The following CRIM1 variants were observed in gnomAD, a reference collection of about 807,000 sequenced individuals.
The protein encoded by CRIM1 is cysteine rich transmembrane BMP regulator 1, also known as cysteine-rich motor neuron 1 protein.
Under a neutral mutation model 116.4 loss-of-function variants are expected in CRIM1, and 32 were observed. The ratio of observed to expected loss-of-function variants is 0.27; its 90% CI spans 0.21 to 0.37. The LOEUF is 0.37. Ranked by LOEUF, CRIM1 falls within the 10% of genes least tolerant of loss-of-function variation. The pLI is 1.00. For missense variants in CRIM1, 1,331 were observed against 1,354.8 expected (o/e 0.98, Z 0.28); for synonymous variants, 590 against 509.2 (o/e 1.16, Z -2.13).
chr2:36,513,364 TTC>T (rs1007742275), intron 10 of CRIM1, 190 bp from the exon 11 acceptor site: 20 of 561,068 alleles, frequency 3.6e-5, no homozygotes, highest in Non-Finnish European at 5.1e-5. Context: ...GCCGGTTTTT[TTC>T]TCTCTTTTCT....
chr2:36,435,857 G>A (rs770409473), intron 2 of CRIM1, among the ~76,000 whole-genome samples: 23 of 150,562 alleles, frequency 1.5e-4, no homozygotes, highest in Non-Finnish European at 2.1e-4. Flanking sequence ...ATGAAACCAG[G>A]TTATTTTTCC....
Position 36,551,080 on chromosome 2 carries a change from G to A in CRIM1, c.*2379G>A, listed in dbSNP as rs781105944. 6.6e-5 allele frequency: 10 copies of A among 152,594 alleles called. No individual in the cohort carries two copies. Among genetic ancestry groups the A allele is most frequent in the Non-Finnish European group, 1.3e-4 (9 of 68,026 alleles). The allele number at this position is 152,594 out of a possible 1,614,324, so 9.5% of individuals were successfully genotyped here. On this transcript the variant is annotated 3_prime_UTR_variant, in exon 17 of 17. Transcript: ENST00000280527. Reference sequence around the variant, plus strand: ...TTTGTTTTCTTCAAAAAAGCTGTAAGAGAATTATCTGCAACTTGATTCTTG... The same window carrying A: ...TTTGTTTTCTTCAAAAAAGCTGTAAAAGAATTATCTGCAACTTGATTCTTG...
chr2:36,434,523 C>T (rs1327801108), intron 2 of CRIM1, among the ~76,000 whole-genome samples: 1 of 152,202 alleles, frequency 6.6e-6, no homozygotes, highest in Non-Finnish European at 1.5e-5. Flanking sequence ...CTCTCTGGGT[C>T]TCTCTCTTCA....
At chr2:36,429,674 G>A (rs542561537) in intron 2 of CRIM1, among the ~76,000 whole-genome samples, 1 of 152,200 alleles carries the variant, frequency 6.6e-6, no homozygotes, top group Admixed American at 6.5e-5. Context: ...AGTGGATATG[G>A]TATAAAGTAG....
At chr2:36,539,768 G>A (rs746972338) in intron 14 of CRIM1, among the ~76,000 whole-genome samples, 3 of 152,134 alleles carry the variant, frequency 2.0e-5, no homozygotes, top group Non-Finnish European at 2.9e-5. Context: ...GGATGACTAC[G>A]ACATTTTGGT....
chr2:36,541,402 C>G (rs555187066), intron 14 of CRIM1, among the ~76,000 whole-genome samples: 1 of 152,252 alleles, frequency 6.6e-6, no homozygotes, highest in African/African-American at 2.4e-5. Context: ...AACCTATGAG[C>G]TGTTAGGTGA....
chr2:36,395,884 T>A (rs1671991150), intron 1 of CRIM1, among the ~76,000 whole-genome samples: 1 of 152,184 alleles, frequency 6.6e-6, no homozygotes, highest in Non-Finnish European at 1.5e-5. Flanking sequence ...ATGTAGTAAG[T>A]TGAAGAGCTG....
chr2:36,550,578 T>C lies in CRIM1; in HGVS notation c.*1877T>C, dbSNP rs1402281400. 3 of 152,516 alleles carry C rather than the reference T, an allele frequency of 2.0e-5. No homozygotes were observed. Among genetic ancestry groups the C allele is most frequent in the Non-Finnish European group, 4.4e-5 (3 of 68,016 alleles). 9.4% of individuals were successfully genotyped at this position (152,516 alleles called of 1,614,324 possible). The stretch of plus-strand genomic sequence containing the variant: ...TTTATTATTATAATGACCTAATTTA[T>C]TAATCTGAAGATTAACCATTTTTTT... On this transcript the variant is annotated 3_prime_UTR_variant, in exon 17 of 17. Transcript: ENST00000280527.
intron 5 of CRIM1, among the ~76,000 whole-genome samples, chr2:36,464,919 AT>A: frequency 6.6e-6 from 1 of 152,204 alleles, no homozygotes; most frequent in Non-Finnish European, 1.5e-5. Context: ...GTGTTACAGA[AT>A]TTCCAAAACT....
intron 4 of CRIM1, among the ~76,000 whole-genome samples, chr2:36,444,272 G>A (rs1403623175): frequency 6.6e-6 from 1 of 152,182 alleles, no homozygotes; most frequent in Non-Finnish European, 1.5e-5. Flanking sequence ...GTTGAAATGG[G>A]TAGAAGCTAC....
chr2:36,390,147 A>C (rs1162904628), intron 1 of CRIM1, among the ~76,000 whole-genome samples: 1 of 152,216 alleles, frequency 6.6e-6, no homozygotes, highest in East Asian at 1.9e-4. Context: ...GTCCAGGACA[A>C]GACTGAATGT....
chr2:36,501,534 C>CA (rs931178759), intron 8 of CRIM1, among the ~76,000 whole-genome samples: 2 of 151,988 alleles, frequency 1.3e-5, no homozygotes, highest in African/African-American at 4.8e-5. Context: ...GCCTGGGCAA[C>CA]ATGGCAAAAC....
chr2:36,397,409 C>G (rs1205901550), intron 2 of CRIM1, among the ~76,000 whole-genome samples: 2 of 152,160 alleles, frequency 1.3e-5, no homozygotes. Flanking sequence ...ATATATGACT[C>G]ATCACCACAG....
chr2:36,551,095 C>T lies in CRIM1; in HGVS notation c.*2394C>T, dbSNP rs892803324. ...AAAGCTGTAAGAGAATTATCTGCAA[C>T]TTGATTCTTGGCAGGAAATAAACAT... is the stretch of plus-strand genomic sequence containing the variant. On this transcript the variant is annotated 3_prime_UTR_variant, in exon 17 of 17. Coordinates refer to ENST00000280527, the MANE Select transcript of CRIM1 (RefSeq NM_016441.3). 17 of 152,586 alleles carry T rather than the reference C, an allele frequency of 1.1e-4. No individual in the cohort carries two copies. Among genetic ancestry groups the T allele is most frequent in the African/African-American group, 4.1e-4 (17 of 41,422 alleles). 9.5% of individuals were successfully genotyped at this position (152,586 alleles called of 1,614,324 possible).
In CRIM1 at chr2:36,441,367, C is replaced by G; in HGVS notation, c.615C>G (p.Pro205=). The G allele has an allele frequency of 6.2e-7, 1 of 1,614,226 alleles. No homozygotes were observed. The highest frequency in any genetic ancestry group is 8.5e-7 in the Non-Finnish European group (1 of 1,180,040). ...EGYAPPGECC[P]LPSRCVCNPA... The stretch of plus-strand genomic sequence containing the variant: ...ATGCTCCTCCTGGGGAGTGCTGTCC[C>G]TTACCCAGCCGCTGCGTGTGCAACC... The change falls in exon 3 of 17, where the codon CCC becomes CCG. Residue 205 remains proline (P), a synonymous_variant. Coordinates refer to ENST00000280527, the MANE Select transcript of CRIM1 (RefSeq NM_016441.3).
intron 1 of CRIM1, among the ~76,000 whole-genome samples, chr2:36,370,397 C>T (rs1343554962): frequency 6.6e-6 from 1 of 151,674 alleles, no homozygotes; most frequent in African/African-American, 2.4e-5. Flanking sequence ...CAAACACTGC[C>T]CTGGGAAAAG....
chr2:36,375,572 T>A (rs1483032317), intron 1 of CRIM1, among the ~76,000 whole-genome samples: 2 of 152,198 alleles, frequency 1.3e-5, no homozygotes, highest in Non-Finnish European at 2.9e-5. Context: ...AATACTAAAT[T>A]TTTGTTTCTG....
chr2:36,548,102 A>C (rs1235069461), intron 16 of CRIM1, among the ~76,000 whole-genome samples: 1 of 152,194 alleles, frequency 6.6e-6, no homozygotes, highest in East Asian at 1.9e-4. Context: ...AAGTGTATGG[A>C]GTGACTAGCA....
intron 2 of CRIM1, 152 bp downstream of exon 2, chr2:36,396,939 G>A: frequency 4.6e-6 from 3 of 655,628 alleles, no homozygotes; most frequent in Non-Finnish European, 7.5e-6. Context: ...AGTTTACCAG[G>A]TGCTTATGTG....
Sources: gnomAD v4.1 joint callset for allele counts (sites outside exome capture counted in the v4.1 genomes callset) on GRCh38, gnomAD v4.1.1 for gene constraint, MANE v1.5 for transcripts, NCBI Gene and HGNC (gene_info 2026-07-23, HGNC 2026-07-21) for gene names.